RABEPK: variants seen among roughly 807,000 people sequenced by gnomAD.
RABEPK encodes 40 kDa Rab9 effector protein.
A neutral mutation model predicts 34.1 loss-of-function variants in RABEPK; 27 were observed. The observed-to-expected ratio is 0.79, with a 90% CI of 0.58 to 1.09. The LOEUF (loss-of-function observed/expected upper bound fraction) is 1.09, where lower values mean the gene tolerates loss of function less well. RABEPK is among the 50% of genes least tolerant of loss of function. RABEPK has a pLI of 0.00. For synonymous variants in RABEPK, 172 were observed against 169.2 expected (o/e 1.02, Z -0.13); for missense variants, 449 against 462.6 (o/e 0.97, Z 0.27).
At chr9:125,216,778 T>TGG (rs1830955092) in intron 4 of RABEPK, among the ~76,000 whole-genome samples, 1 of 151,912 alleles carries the variant, frequency 6.6e-6, no homozygotes, top group South Asian at 2.1e-4. Context: ...CTGGCCAACA[T>TGG]ACTGAAAGCC....
chr9:125,222,482 G>C (rs1177069645), intron 5 of RABEPK: 2 of 151,784 alleles, frequency 1.3e-5, no homozygotes, highest in African/African-American at 4.8e-5. Flanking sequence ...GGAGGCTGAG[G>C]AGGGCAGATT....
chr9:125,232,075 T>G (rs1281799995), intron 6 of RABEPK, among the ~76,000 whole-genome samples: 8 of 151,672 alleles, frequency 5.3e-5, no homozygotes, highest in Admixed American at 5.3e-4. Context: ...AATTTTGTAT[T>G]TTTAGTAGAG....
At chr9:125,200,952 C>T (rs1422052971) in intron 1 of RABEPK, 46 bp downstream of exon 1, 2 of 420,836 alleles carry the variant, frequency 4.8e-6, no homozygotes, top group Non-Finnish European at 9.8e-6. Flanking sequence ...TTTCTTCATT[C>T]ACTAGCCACT....
intron 5 of RABEPK, among the ~76,000 whole-genome samples, chr9:125,224,933 G>T (rs1831630025): frequency 6.6e-6 from 1 of 152,074 alleles, no homozygotes; most frequent in Admixed American, 6.6e-5. Context: ...AGACTAGTCT[G>T]TTTTTTTCCC....
At chr9:125,232,776 C>G in intron 7 of RABEPK, 31 bp downstream of exon 7, 2 of 1,588,614 alleles carry the variant, frequency 1.3e-6, no homozygotes, top group Non-Finnish European at 1.7e-6. Context: ...GATCTTTAAA[C>G]AAATCTAAAC....
chr9:125,227,847 C>T (rs1831872260), intron 5 of RABEPK, 63 bp from the exon 6 acceptor site: 2 of 1,459,042 alleles, frequency 1.4e-6, no homozygotes, highest in East Asian at 5.0e-5. Context: ...GAGGCTTGGG[C>T]CTGTTTCTCG....
chr9:125,207,751 C>G, intron 3 of RABEPK, 30 bp downstream of exon 3: 1 of 1,612,520 alleles, frequency 6.2e-7, no homozygotes, highest in Non-Finnish European at 8.5e-7. Context: ...AGTACATGCC[C>G]TATGGCCAGA....
chr9:125,212,040 CA>C (rs1830621874), intron 3 of RABEPK, among the ~76,000 whole-genome samples: 1 of 152,112 alleles, frequency 6.6e-6, no homozygotes, highest in African/African-American at 2.4e-5. Flanking sequence ...GTTCAACTTA[CA>C]TCTTTATTGC....
Position 125,227,908 on chromosome 9 carries a change from A to T in RABEPK, c.527-2A>T. 1.3e-6 allele frequency: 2 copies of T among 1,558,012 alleles called. No homozygotes were observed. Among genetic ancestry groups the T allele is most frequent in the Admixed American group, 4.0e-5 (2 of 50,154 alleles). On this transcript the variant is annotated splice_acceptor_variant, in intron 5 of 7. Transcript: ENST00000373538. LOFTEE classifies it high-confidence loss of function. ...TTGATGTTATTGAATTTACTTTTCTAGACACTCTGACCTGGTCACAGCCAG... is the reference window on the plus strand; with the variant it reads ...TTGATGTTATTGAATTTACTTTTCTTGACACTCTGACCTGGTCACAGCCAG...
Position 125,232,673 on chromosome 9 carries a change from G to A in RABEPK, c.754G>A (p.Gly252Arg), listed in dbSNP as rs771548005. ...TGCTGCCCACTCAGCTGTGGCCATG[G>A]GAAAACATGTGTACATCTTTGGTGG... ...GCAAHSAVAM[G>R]KHVYIFGGMT... The change falls in exon 7 of 8, where the codon GGA becomes AGA. Residue 252 changes from glycine to arginine, a missense_variant. Coordinates refer to ENST00000373538, the MANE Select transcript of RABEPK (RefSeq NM_005833.4). 1 of 1,614,148 alleles carries A rather than the reference G, an allele frequency of 6.2e-7. No individual in the cohort carries two copies. Among genetic ancestry groups the A allele is most frequent in the East Asian group, 2.2e-5 (1 of 44,882 alleles).
At position 125,204,778 on chromosome 9, in the gene RABEPK, G is replaced by A. The variant is rs141416679; in HGVS notation, c.53+1712G>A. On this transcript the variant is annotated intron_variant, in intron 2 of 7. Transcript: ENST00000373538. ...TTGCCTGGACTGCTCTTTCTGCCTG[G>A]AGTGCTCTTTCCCTCCACTTTTTGT... Among the ~76,000 whole-genome samples the A allele has an allele frequency of 5.0e-3, 747 of 149,848 alleles. 11 individuals are homozygous for A. The highest frequency in any genetic ancestry group is 0.032 in the South Asian group (149 of 4,694).
At chr9:125,229,018 C>T (rs1304020196) in intron 6 of RABEPK, among the ~76,000 whole-genome samples, 1 of 150,530 alleles carries the variant, frequency 6.6e-6, no homozygotes, top group African/African-American at 2.4e-5. Context: ...CTTTGGGAGG[C>T]CAAGGCAGGT....
intron 5 of RABEPK, among the ~76,000 whole-genome samples, chr9:125,223,724 C>CT (rs1230551554): frequency 2.0e-4 from 9 of 45,902 alleles, no homozygotes; most frequent in Admixed American, 1.2e-3. Context: ...GACCCTGACT[C>CT]TAAAAAAAAA....
At chr9:125,207,169 C>T (rs1394030168) in intron 2 of RABEPK, among the ~76,000 whole-genome samples, 2 of 151,932 alleles carry the variant, frequency 1.3e-5, no homozygotes, top group African/African-American at 4.8e-5. Context: ...AAGTGACTTC[C>T]AAAAGGTCAC....
intron 2 of RABEPK, among the ~76,000 whole-genome samples, chr9:125,206,391 G>A (rs1321533783): frequency 1.3e-5 from 2 of 152,028 alleles, no homozygotes; most frequent in African/African-American, 2.4e-5. Context: ...CCAGCTACTC[G>A]GGAGGCTGAG....
intron 1 of RABEPK, 89 bp from the exon 2 acceptor site, chr9:125,202,919 A>G (rs1017153290): frequency 2.1e-6 from 2 of 949,134 alleles, no homozygotes; most frequent in South Asian, 1.5e-5. Flanking sequence ...AAATTAGTAC[A>G]TTCAACAGGA....
chr9:125,213,553 A>G, intron 4 of RABEPK, 31 bp downstream of exon 4: 1 of 1,584,282 alleles, frequency 6.3e-7, no homozygotes, highest in African/African-American at 1.3e-5. Context: ...TTATTTACGT[A>G]CATACAAATA....
At chr9:125,217,650 T>C (rs1831014234) in intron 4 of RABEPK, among the ~76,000 whole-genome samples, 1 of 152,186 alleles carries the variant, frequency 6.6e-6, no homozygotes, top group South Asian at 2.1e-4. Flanking sequence ...CCAAGAAATA[T>C]GAAATATGTA....
At chr9:125,206,369 G>A (rs539671348) in intron 2 of RABEPK, among the ~76,000 whole-genome samples, 39 of 151,992 alleles carry the variant, frequency 2.6e-4, no homozygotes, top group Admixed American at 1.0e-3. Context: ...ATGGTGGTGC[G>A]CGCCTGTAGT....
Sources: allele counts gnomAD v4.1 joint callset (sites outside exome capture counted in the v4.1 genomes callset), GRCh38; gene constraint gnomAD v4.1.1; transcripts MANE v1.5; gene names NCBI Gene and HGNC (gene_info 2026-07-23, HGNC 2026-07-21).